Variants in CDKAL1 observed in about 807,000 individuals in gnomAD.
The protein encoded by CDKAL1 is CDKAL1 threonylcarbamoyladenosine tRNA methylthiotransferase.
In CDKAL1, 32 loss-of-function variants were observed where a neutral mutation model predicts 68.2. That is an observed-to-expected ratio of 0.47 (90% CI 0.35 to 0.63). The LOEUF (loss-of-function observed/expected upper bound fraction) is 0.63, where lower values mean the gene tolerates loss of function less well. CDKAL1 is among the 30% of genes least tolerant of loss of function. The pLI is 0.00. For synonymous variants in CDKAL1, 234 were observed against 244.3 expected, an observed-to-expected ratio of 0.96 and a Z score of 0.39; for missense variants, 606 against 696.7, an observed-to-expected ratio of 0.87 and a Z score of 1.47.
chr6:20,587,715 A>G (rs932627409), intron 4 of CDKAL1, among the ~76,000 whole-genome samples: 1 of 152,060 alleles, frequency 6.6e-6, no homozygotes, highest in Non-Finnish European at 1.5e-5. Context: ...CCTGGGCAAC[A>G]GAGTGAGACC....
At chr6:21,009,762 G>A (rs372199544) in intron 11 of CDKAL1, among the ~76,000 whole-genome samples, 5 of 152,280 alleles carry the variant, frequency 3.3e-5, no homozygotes, top group African/African-American at 7.2e-5. Flanking sequence ...CAAATACCGC[G>A]TGTTCTCACT....
chr6:20,826,820 G>A (rs749661731), intron 8 of CDKAL1, among the ~76,000 whole-genome samples: 5 of 152,006 alleles, frequency 3.3e-5, no homozygotes, highest in Non-Finnish European at 7.4e-5. Flanking sequence ...CTTTTTTGGT[G>A]AGCAAACTAC....
intron 9 of CDKAL1, among the ~76,000 whole-genome samples, chr6:20,890,647 G>A (rs1392221729): frequency 2.0e-5 from 3 of 152,110 alleles, no homozygotes; most frequent in Non-Finnish European, 4.4e-5. Context: ...TGGAGTGTTG[G>A]CTTAAAATTT....
At chr6:20,749,158 C>T (rs151137934) in intron 6 of CDKAL1, among the ~76,000 whole-genome samples, 5 of 152,306 alleles carry the variant, frequency 3.3e-5, no homozygotes, top group East Asian at 1.9e-4. Context: ...CACTGTTTCA[C>T]ATTTTTAATA....
At chr6:20,985,597 G>A (rs1018789897) in intron 10 of CDKAL1, among the ~76,000 whole-genome samples, 2 of 152,098 alleles carry the variant, frequency 1.3e-5, no homozygotes, top group African/African-American at 2.4e-5. Context: ...ACCCCACCCT[G>A]TTCCATGTTC....
intron 9 of CDKAL1, among the ~76,000 whole-genome samples, chr6:20,926,185 G>A (rs1763176674): frequency 6.6e-6 from 1 of 152,050 alleles, no homozygotes; most frequent in South Asian, 2.1e-4. Flanking sequence ...CTGCAGAAGG[G>A]TTGGTAAAAA....
intron 5 of CDKAL1, among the ~76,000 whole-genome samples, chr6:20,671,878 C>T (rs977061036): frequency 6.6e-6 from 1 of 151,858 alleles, no homozygotes; most frequent in Non-Finnish European, 1.5e-5. Context: ...AGCTGGGACT[C>T]TAGGCACACA....
intron 6 of CDKAL1, among the ~76,000 whole-genome samples, chr6:20,751,392 T>C (rs562034498): frequency 6.6e-6 from 1 of 152,330 alleles, no homozygotes; most frequent in South Asian, 2.1e-4. Context: ...CACATTTGAC[T>C]ATTTAAATAT....
chr6:21,157,267 C>T (rs1045655666), intron 13 of CDKAL1, among the ~76,000 whole-genome samples: 4 of 152,158 alleles, frequency 2.6e-5, no homozygotes, highest in Non-Finnish European at 5.9e-5. Context: ...GTTCCTTTCA[C>T]GATAATGGGC....
intron 5 of CDKAL1, among the ~76,000 whole-genome samples, chr6:20,655,191 A>G (rs1768966877): frequency 6.6e-6 from 1 of 152,114 alleles, no homozygotes; most frequent in Non-Finnish European, 1.5e-5. Context: ...TTATATTTTT[A>G]TACTACTTTA....
At chr6:20,733,041 C>T (rs951918757) in intron 5 of CDKAL1, among the ~76,000 whole-genome samples, 2 of 152,180 alleles carry the variant, frequency 1.3e-5, no homozygotes, top group Non-Finnish European at 2.9e-5. Context: ...CTGGGGAGGA[C>T]TCTTAGTCTC....
intron 15 of CDKAL1, among the ~76,000 whole-genome samples, chr6:21,206,136 A>G (rs1778926943): frequency 6.6e-6 from 1 of 152,098 alleles, no homozygotes; most frequent in African/African-American, 2.4e-5. Flanking sequence ...GGACCAGTCA[A>G]GCCTGTATTT....
rs142760883 is a variant in CDKAL1, at chr6:20,973,998, C to T, written c.909+18413C>T. ...TAACTGTGAAGTATTATATAGAAAACGCTTACATTAGGGAAAACGTGAAGA... is the reference window on the plus strand; with the variant it reads ...TAACTGTGAAGTATTATATAGAAAATGCTTACATTAGGGAAAACGTGAAGA... On this transcript the variant is annotated intron_variant, in intron 10 of 15. Coordinates refer to ENST00000274695, the MANE Select transcript of CDKAL1 (RefSeq NM_017774.3). Among the ~76,000 whole-genome samples the T allele has an allele frequency of 1.6e-3, 248 of 152,240 alleles. 1 individual carries two copies. Among genetic ancestry groups the T allele is most frequent in the African/African-American group, 5.5e-3 (228 of 41,524 alleles).
At chr6:20,701,013 G>A (rs1338429467) in intron 5 of CDKAL1, among the ~76,000 whole-genome samples, 1 of 151,662 alleles carries the variant, frequency 6.6e-6, no homozygotes, top group Non-Finnish European at 1.5e-5. Context: ...AATATCTTGC[G>A]AATACCTGAA....
intron 10 of CDKAL1, among the ~76,000 whole-genome samples, chr6:20,958,082 A>G (rs1764874184): frequency 6.6e-6 from 1 of 152,130 alleles, no homozygotes. Context: ...GCAGCAAAAG[A>G]TGATGAAGTA....
At chr6:20,661,415 G>A (rs534255560) in intron 5 of CDKAL1, among the ~76,000 whole-genome samples, 1 of 152,226 alleles carries the variant, frequency 6.6e-6, no homozygotes, top group South Asian at 2.1e-4. Flanking sequence ...TGAGAGTTAT[G>A]TATGTTCAGA....
At chr6:21,013,814 G>A (rs776582878) in intron 11 of CDKAL1, among the ~76,000 whole-genome samples, 3 of 152,120 alleles carry the variant, frequency 2.0e-5, no homozygotes, top group Non-Finnish European at 4.4e-5. Flanking sequence ...ACTTTGATTG[G>A]ATTGGTTTGG....
intron 12 of CDKAL1, among the ~76,000 whole-genome samples, chr6:21,070,249 G>A (rs963648377): frequency 3.3e-5 from 5 of 152,146 alleles, no homozygotes; most frequent in African/African-American, 7.2e-5. Flanking sequence ...TAATTTTCTC[G>A]GCCTGATCCT....
intron 7 of CDKAL1, among the ~76,000 whole-genome samples, chr6:20,774,082 T>C (rs9465889): frequency 0.4 from 60,448 of 151,966 alleles, 12,293 homozygotes; most frequent in Non-Finnish European, 0.43. Flanking sequence ...TTGGCATGAG[T>C]CCTCTCTGGT....
Sources: allele counts gnomAD v4.1 joint callset (sites outside exome capture counted in the v4.1 genomes callset), GRCh38; gene constraint gnomAD v4.1.1; transcripts MANE v1.5; gene names NCBI Gene and HGNC (gene_info 2026-07-23, HGNC 2026-07-21).